CA10: variants seen among roughly 807,000 people sequenced by gnomAD.
CA10 encodes the protein carbonic anhydrase 10 (inactive).
In CA10, 14 loss-of-function variants were observed where a neutral mutation model predicts 44.2. The ratio of observed to expected loss-of-function variants is 0.32; its 90% CI spans 0.21 to 0.50. The LOEUF is 0.50. Ranked by LOEUF, CA10 falls within the 20% of genes least tolerant of loss-of-function variation. The pLI is 0.99. For missense variants in CA10, 350 were observed against 409.7 expected, an observed-to-expected ratio of 0.85 and a Z score of 1.26; for synonymous variants, 159 against 141.6, an observed-to-expected ratio of 1.12 and a Z score of -0.87.
At chr17:51,785,846 C>T (rs1344724085) in intron 3 of CA10, among the ~76,000 whole-genome samples, 2 of 152,056 alleles carry the variant, frequency 1.3e-5, no homozygotes, top group South Asian at 2.1e-4. Flanking sequence ...GTAAAGAATG[C>T]CATTGGTATT....
At chr17:51,934,670 A>G in intron 2 of CA10, among the ~76,000 whole-genome samples, 1 of 152,126 alleles carries the variant, frequency 6.6e-6, no homozygotes, top group East Asian at 1.9e-4. Flanking sequence ...TTTGGGTCCC[A>G]TCTGCAGGCC....
Position 51,925,932 on chromosome 17 carries a change from G to A in CA10, c.279+5058C>T, listed in dbSNP as rs536625937. Among the ~76,000 whole-genome samples, 10 of 152,254 alleles carry A rather than the reference G, an allele frequency of 6.6e-5. No homozygotes were observed. In the South Asian group the frequency reaches 1.9e-3, roughly 28 times the overall value. ...CGTAGGACAGAGGTTACCAGGGGCT[G>A]AGGGGGATGGAAAATGGGGAGTTCT... is the stretch of plus-strand genomic sequence containing the variant. On this transcript the variant is annotated intron_variant, in intron 3 of 8. Coordinates refer to ENST00000451037, the MANE Select transcript of CA10 (RefSeq NM_020178.5).
intron 3 of CA10, among the ~76,000 whole-genome samples, chr17:51,927,981 C>T (rs1982498793): frequency 6.6e-6 from 1 of 152,074 alleles, no homozygotes; most frequent in Non-Finnish European, 1.5e-5. Context: ...AGGTAGGAGT[C>T]TTATATCTAC....
At chr17:51,874,268 A>C (rs917968967) in intron 3 of CA10, among the ~76,000 whole-genome samples, 1 of 152,182 alleles carries the variant, frequency 6.6e-6, no homozygotes, top group Non-Finnish European at 1.5e-5. Context: ...TTGAGAGTTA[A>C]GAATCAGGTT....
At chr17:52,147,354 C>T (rs1989610642) in intron 1 of CA10, among the ~76,000 whole-genome samples, 1 of 152,050 alleles carries the variant, frequency 6.6e-6, no homozygotes, top group East Asian at 1.9e-4. Flanking sequence ...GAGTTGGATA[C>T]GTAATTGGCC....
At chr17:51,770,134 T>C (rs62061836) in intron 3 of CA10, among the ~76,000 whole-genome samples, 5 of 140,456 alleles carry the variant, frequency 3.6e-5, no homozygotes, top group African/African-American at 7.8e-5. Context: ...TTTTTTTTTT[T>C]CCCTAGAGCT....
At chr17:52,019,759 T>G (rs553054894) in intron 2 of CA10, among the ~76,000 whole-genome samples, 2 of 152,074 alleles carry the variant, frequency 1.3e-5, no homozygotes, top group Non-Finnish European at 2.9e-5. Flanking sequence ...AGAAATATTT[T>G]GTAATTTCCA....
At chr17:51,767,380 A>G (rs1243826124) in intron 3 of CA10, among the ~76,000 whole-genome samples, 2 of 152,236 alleles carry the variant, frequency 1.3e-5, no homozygotes, top group Non-Finnish European at 2.9e-5. Context: ...TAATTTCAGT[A>G]GGTCTGCAGA....
chr17:52,005,075 T>A (rs1985551311), intron 2 of CA10, among the ~76,000 whole-genome samples: 1 of 151,922 alleles, frequency 6.6e-6, no homozygotes, highest in South Asian at 2.1e-4. Context: ...TTCTGAAGTA[T>A]ATAACCAAGA....
chr17:51,704,101 C>T (rs1300609485), intron 4 of CA10, among the ~76,000 whole-genome samples: 1 of 152,214 alleles, frequency 6.6e-6, no homozygotes, highest in Non-Finnish European at 1.5e-5. Flanking sequence ...CCTTTCAAAT[C>T]CATCCATCCA....
chr17:51,662,137 C>A (rs1441896101), intron 4 of CA10, among the ~76,000 whole-genome samples: 1 of 152,176 alleles, frequency 6.6e-6, no homozygotes, highest in Non-Finnish European at 1.5e-5. Context: ...TTGAGAGAAC[C>A]TAAGCATTAA....
intron 1 of CA10, among the ~76,000 whole-genome samples, chr17:52,079,857 G>T (rs927579784): frequency 6.6e-6 from 1 of 152,156 alleles, no homozygotes; most frequent in African/African-American, 2.4e-5. Flanking sequence ...GTCTTTCTTT[G>T]CTTTTCCTGA....
chr17:51,758,488 A>G (rs533948391), intron 3 of CA10, among the ~76,000 whole-genome samples: 2 of 152,276 alleles, frequency 1.3e-5, no homozygotes, highest in Admixed American at 1.3e-4. Context: ...CAAGGATACC[A>G]TGGGCTCATG....
intron 1 of CA10, among the ~76,000 whole-genome samples, chr17:52,087,554 A>C (rs1988150380): frequency 6.6e-6 from 1 of 152,254 alleles, no homozygotes; most frequent in African/African-American, 2.4e-5. Context: ...TTCTTCCCTG[A>C]ATAACTTTTC....
intron 4 of CA10, among the ~76,000 whole-genome samples, chr17:51,671,799 A>C (rs1229612905): frequency 6.6e-6 from 1 of 152,086 alleles, no homozygotes; most frequent in Non-Finnish European, 1.5e-5. Flanking sequence ...CTAAATTGCT[A>C]TCTCCTCCAT....
At chr17:52,152,383 C>T (rs752880325) in intron 1 of CA10, among the ~76,000 whole-genome samples, 5 of 152,082 alleles carry the variant, frequency 3.3e-5, no homozygotes, top group Non-Finnish European at 5.9e-5. Context: ...CCAGTATCTC[C>T]CAAAGTGAAT....
intron 3 of CA10, among the ~76,000 whole-genome samples, chr17:51,848,345 C>G (rs1319308838): frequency 1.3e-5 from 2 of 152,164 alleles, no homozygotes; most frequent in African/African-American, 4.8e-5. Context: ...TTGTGCCTCA[C>G]TCCTCTCACA....
intron 4 of CA10, among the ~76,000 whole-genome samples, chr17:51,734,973 A>C (rs768366195): frequency 1.8e-4 from 27 of 152,118 alleles, no homozygotes; most frequent in Non-Finnish European, 2.8e-4. Flanking sequence ...AAGAAGGAGG[A>C]GGCTTTTTCT....
In CA10 at chr17:51,743,125, T is replaced by C. The variant is rs568781609; in HGVS notation, c.465+4508A>G. ...GGAGGAACTGGCTATAGATCTTGCA[T>C]GAAGTGGCTGGTACAATTCTCCGTG... On this transcript the variant is annotated intron_variant, in intron 4 of 8. Coordinates refer to ENST00000451037, the MANE Select transcript of CA10 (RefSeq NM_020178.5). Among the ~76,000 whole-genome samples, 3 of 152,346 alleles carry C rather than the reference T, an allele frequency of 2.0e-5. No individual in the cohort carries two copies. In the South Asian group the frequency reaches 6.2e-4, roughly 32 times the overall value.
Sources: gnomAD v4.1 joint callset for allele counts (sites outside exome capture counted in the v4.1 genomes callset) on GRCh38, gnomAD v4.1.1 for gene constraint, MANE v1.5 for transcripts, NCBI Gene and HGNC (gene_info 2026-07-23, HGNC 2026-07-21) for gene names.